Variants in FAM162B observed in about 807,000 individuals in gnomAD.
FAM162B encodes protein FAM162B.
In FAM162B, 16 loss-of-function variants were observed where a neutral mutation model predicts 20.0. The observed-to-expected ratio is 0.80, with a 90% CI of 0.54 to 1.21. The LOEUF (loss-of-function observed/expected upper bound fraction) is 1.21. FAM162B is among the 50% of genes most tolerant of loss of function. The probability of loss-of-function intolerance (pLI) is 0.00; values close to 1 mark genes in which losing one functional copy is unlikely to be tolerated. For missense variants in FAM162B, 260 were observed against 227.5 expected, an observed-to-expected ratio of 1.14 and a Z score of -0.92; for synonymous variants, 83 against 89.7, an observed-to-expected ratio of 0.93 and a Z score of 0.42.
In FAM162B at chr6:116,752,731, T is replaced by TATATAG. The variant is rs1554259842; in HGVS notation, c.391-37_391-36insCTATAT. The TATATAG allele has an allele frequency of 2.1e-4, 92 of 442,294 alleles. No individual in the cohort carries two copies. In the South Asian group the frequency reaches 2.6e-3, roughly 13 times the overall value. 27.4% of individuals were successfully genotyped at this position (442,294 alleles called of 1,614,324 possible). ...GAAGAAATATATATATATATATATA[T>TATATAG]ATAGATACACGTATATATATATATA... On this transcript the variant is annotated intron_variant, in intron 3 of 3. Coordinates refer to ENST00000368557, the MANE Select transcript of FAM162B (RefSeq NM_001085480.3).
chr6:116,765,089 C>A, intron 2 of FAM162B, 58 bp downstream of exon 2: 1 of 1,566,462 alleles, frequency 6.4e-7, no homozygotes. Context: ...AGGTGGGTCA[C>A]CCCGCACCCT....
At chr6:116,752,872 G>C (rs1162827868) in intron 3 of FAM162B, among the ~76,000 whole-genome samples, 177 bp from the exon 4 acceptor site, 1 of 151,372 alleles carries the variant, frequency 6.6e-6, no homozygotes, top group Non-Finnish European at 1.5e-5. Context: ...GTTAATAATG[G>C]GAAGAGAGAA....
chr6:116,758,013 A>G (rs1315389389), intron 3 of FAM162B, among the ~76,000 whole-genome samples: 4 of 152,170 alleles, frequency 2.6e-5, no homozygotes, highest in Admixed American at 1.3e-4. Flanking sequence ...AAGTAGAAAC[A>G]TTTCTATATT....
intron 3 of FAM162B, 36 bp from the exon 4 acceptor site, chr6:116,752,731 T>G (rs187417811): frequency 0.019 from 8,545 of 439,074 alleles, 15 homozygotes; most frequent in South Asian, 0.025. Context: ...TATATATATA[T>G]ATAGATACAC....
chr6:116,756,541 A>ATTATCTGAGACTT lies in FAM162B; in HGVS notation c.391-3847_391-3846insAAGTCTCAGATAA, dbSNP rs1474166075. Among the ~76,000 whole-genome samples, 4 of 152,374 alleles carry ATTATCTGAGACTT rather than the reference A, an allele frequency of 2.6e-5. No individual in the cohort carries two copies. In the East Asian group the frequency reaches 7.7e-4, roughly 29 times the overall value. On this transcript the variant is annotated intron_variant, in intron 3 of 3. Coordinates refer to ENST00000368557, the MANE Select transcript of FAM162B (RefSeq NM_001085480.3). ...ATTACATAAACTTAGTTAATAAAGT[A>ATTATCTGAGACTT]GTGGTAGGGTTTGAGAGAACTGACT...
At position 116,765,519 on chromosome 6, in the gene FAM162B, C is replaced by A; in HGVS notation, c.58G>T (p.Gly20Cys). Residue 20 changes from glycine to cysteine, a missense_variant, in exon 1 of 4, where the codon GGC (glycine) becomes TGC (cysteine). Physicochemically the swap from Gly to Cys is radical, Grantham distance 159. Coordinates refer to ENST00000368557, the MANE Select transcript of FAM162B (RefSeq NM_001085480.3). ...RLGRGLTVRC[G>C]PGAPLEATRR... The stretch of plus-strand genomic sequence containing the variant: ...GTGGCCTCGAGAGGCGCCCCGGGGC[C>A]GCAGCGGACTGTTAGCCCGCGGCCA... The A allele has an allele frequency of 7.2e-7, 1 of 1,395,730 alleles. No homozygotes were observed. Among genetic ancestry groups the A allele is most frequent in the South Asian group, 1.6e-5 (1 of 61,116 alleles). The allele number at this position is 1,395,730 out of a possible 1,614,324, so 86.5% of individuals were successfully genotyped here.
chr6:116,757,826 T>C (rs999743446), intron 3 of FAM162B, among the ~76,000 whole-genome samples: 1 of 149,398 alleles, frequency 6.7e-6, no homozygotes, highest in African/African-American at 2.5e-5. Flanking sequence ...TGAAGATGAG[T>C]GTATCATTGG....
intron 3 of FAM162B, among the ~76,000 whole-genome samples, chr6:116,753,500 C>A (rs1780015053): frequency 6.6e-6 from 1 of 152,012 alleles, no homozygotes; most frequent in Admixed American, 6.6e-5. Flanking sequence ...ATGACTTATC[C>A]ACGAGCAGCT....
chr6:116,754,449 C>A (rs1780030169), intron 3 of FAM162B, among the ~76,000 whole-genome samples: 1 of 152,116 alleles, frequency 6.6e-6, no homozygotes, highest in South Asian at 2.1e-4. Flanking sequence ...AAACAGTCTT[C>A]AAAGTAGGAT....
At chr6:116,753,219 T>C (rs1780012305) in intron 3 of FAM162B, among the ~76,000 whole-genome samples, 1 of 152,150 alleles carries the variant, frequency 6.6e-6, no homozygotes, top group Admixed American at 6.6e-5. Flanking sequence ...CACAATGAAT[T>C]CACCACAAAG....
intron 3 of FAM162B, among the ~76,000 whole-genome samples, chr6:116,759,342 C>T (rs1053424491): frequency 4.7e-4 from 71 of 149,826 alleles, no homozygotes; most frequent in African/African-American, 1.6e-3. Flanking sequence ...GTCTCTGTCG[C>T]CCAGGCTGGA....
chr6:116,764,688 A>AC (rs138477704), intron 2 of FAM162B, among the ~76,000 whole-genome samples: 7,560 of 143,024 alleles, frequency 0.053, 313 homozygotes, highest in African/African-American at 0.12. Flanking sequence ...TTTTCCAGAG[A>AC]CCCCCCCGCC....
Position 116,765,134 on chromosome 6 carries a change from T to C in FAM162B, c.281+13A>G. The C allele has an allele frequency of 6.2e-7, 1 of 1,611,622 alleles. No individual in the cohort carries two copies. The highest frequency in any genetic ancestry group is 8.5e-7 in the Non-Finnish European group (1 of 1,179,210). On this transcript the variant is annotated intron_variant, in intron 2 of 3. Transcript: ENST00000368557. ...GGACCGACTCTCCTTCGCGCGGCGG[T>C]CGCCACACTTACGGGATCCGAGGCG...
At chr6:116,758,454 T>A (rs1780078025) in intron 3 of FAM162B, among the ~76,000 whole-genome samples, 2 of 152,206 alleles carry the variant, frequency 1.3e-5, no homozygotes, top group Admixed American at 1.3e-4. Context: ...TTAGTGGAGC[T>A]CCTTATAATT....
Position 116,765,671 on chromosome 6 carries a change from G to C in FAM162B, c.-95C>G. 1 of 1,226,024 alleles carries C rather than the reference G, an allele frequency of 8.2e-7. No individual in the cohort carries two copies. Among genetic ancestry groups the C allele is most frequent in the Non-Finnish European group, 1.0e-6 (1 of 979,670 alleles). 75.9% of individuals were successfully genotyped at this position (1,226,024 alleles called of 1,614,324 possible). On this transcript the variant is annotated 5_prime_UTR_variant, in exon 1 of 4. Transcript: ENST00000368557. ...CTCGTCCCGCCCCGGCCTGCCGCGCGCTGGAGAGCCTGGGACGTGCAGCTG... is the reference window on the plus strand; with the variant it reads ...CTCGTCCCGCCCCGGCCTGCCGCGCCCTGGAGAGCCTGGGACGTGCAGCTG...
At position 116,752,626 on chromosome 6, in the gene FAM162B, C is replaced by A; in HGVS notation, c.460G>T (p.Ala154Ser). Residue 154 changes from alanine (A) to serine (S), a missense_variant, in exon 4 of 4, where the codon GCA (alanine) becomes TCA (serine). Coordinates refer to ENST00000368557, the MANE Select transcript of FAM162B (RefSeq NM_001085480.3). ...TTAGCTTTAGCCTGTGCAGCCAATGCAGCTTCTTCACGCCACTTAGCTTTC... is the reference window on the plus strand; with the variant it reads ...TTAGCTTTAGCCTGTGCAGCCAATGAAGCTTCTTCACGCCACTTAGCTTTC... ...AKKAKWREEA[A>S]LAAQAKAK 6.3e-7 allele frequency: 1 copy of A among 1,594,254 alleles called. No individual in the cohort carries two copies. The highest frequency in any genetic ancestry group is 1.1e-5 in the South Asian group (1 of 88,290).
At chr6:116,760,907 G>C (rs966506002) in intron 3 of FAM162B, among the ~76,000 whole-genome samples, 3 of 152,174 alleles carry the variant, frequency 2.0e-5, no homozygotes, top group Admixed American at 2.0e-4. Context: ...GGGCAGAATG[G>C]TAATTAGCTA....
At chr6:116,760,067 T>A (rs647689) in intron 3 of FAM162B, among the ~76,000 whole-genome samples, 67,097 of 152,096 alleles carry the variant, frequency 0.44, 15,667 homozygotes, top group East Asian at 0.75. Context: ...CCATTTTCCC[T>A]ACTACAAAAT....
intron 3 of FAM162B, among the ~76,000 whole-genome samples, chr6:116,753,747 C>T (rs1009170615): frequency 1.3e-5 from 2 of 152,046 alleles, no homozygotes; most frequent in African/African-American, 2.4e-5. Flanking sequence ...GTGTTTAAAT[C>T]CAGAAGACTT....
Sources: allele counts gnomAD v4.1 joint callset (sites outside exome capture counted in the v4.1 genomes callset), GRCh38; gene constraint gnomAD v4.1.1; transcripts MANE v1.5; gene names NCBI Gene and HGNC (gene_info 2026-07-23, HGNC 2026-07-21).